CFAP74: variants seen among roughly 807,000 people sequenced by gnomAD.
CFAP74 encodes the protein cilia- and flagella-associated protein 74.
In CFAP74, 124 loss-of-function variants were observed where a neutral mutation model predicts 188.9. The observed-to-expected ratio is 0.66, with a 90% CI of 0.57 to 0.76. The LOEUF is 0.76. Ranked by LOEUF, CFAP74 falls within the 30% of genes least tolerant of loss-of-function variation. The pLI, the probability that CFAP74 is intolerant of heterozygous loss-of-function variation, is 0.00. For synonymous variants in CFAP74, 956 were observed against 916.7 expected (o/e 1.04, Z -0.77); for missense variants, 2,198 against 2,165.2 (o/e 1.02, Z -0.30).
chr1:1,953,580 A>C (rs1654337187), intron 18 of CFAP74: 1 of 153,690 alleles, frequency 6.5e-6, no homozygotes. Context: ...TACAGGCATG[A>C]GCCACTGTGC....
rs3039777 is a variant in CFAP74 at position 1,922,176 on chromosome 1, T to TCTGA, written c.*110_*111insTCAG. 1 allele frequency: 768,448 copies of TCTGA among 768,800 alleles called. 384,049 individuals carry two copies. Among genetic ancestry groups the TCTGA allele is most frequent in the Middle Eastern group, 1 (2,858 of 2,858 alleles). 47.6% of individuals were successfully genotyped at this position (768,800 alleles called of 1,614,324 possible). ...CCATGTGGAGGGCGGCCTATTGGAATCTGGCAGAGGATGGCCAGGTCCCAG... is the reference window on the plus strand; with the variant it reads ...CCATGTGGAGGGCGGCCTATTGGAATCTGACTGGCAGAGGATGGCCAGGTCCCAG... On this transcript the variant is annotated 3_prime_UTR_variant, in exon 39 of 39. Transcript: ENST00000682832.
intron 25 of CFAP74, among the ~76,000 whole-genome samples, chr1:1,931,432 T>TAAAAAA (rs34892654): frequency 2.7e-5 from 2 of 75,364 alleles, no homozygotes; most frequent in African/African-American, 1.2e-4. Context: ...CCCATCTCAA[T>TAAAAAA]AAAAAAAAAA....
intron 6 of CFAP74, among the ~76,000 whole-genome samples, chr1:1,981,468 AGCCGCGGTC>A (rs1656845147): frequency 6.8e-6 from 1 of 146,106 alleles, no homozygotes; most frequent in African/African-American, 2.6e-5. Context: ...CAGGACACCC[AGCCGCGGTC>A]ACACGCGGGG....
At chr1:1,932,087 C>CAAAAAA (rs370006166) in intron 25 of CFAP74, among the ~76,000 whole-genome samples, 6 of 53,684 alleles carry the variant, frequency 1.1e-4, no homozygotes, top group East Asian at 6.0e-4. Flanking sequence ...AAACAAAAAA[C>CAAAAAA]AAAAAACAAA....
chr1:1,942,030 C>CG lies in CFAP74; in HGVS notation c.2612dup (p.Arg872AlafsTer13). 2 of 1,499,162 alleles carry CG rather than the reference C, an allele frequency of 1.3e-6. No individual in the cohort carries two copies. The highest frequency in any genetic ancestry group is 1.8e-6 in the Non-Finnish European group (2 of 1,130,154). The allele number at this position is 1,499,162 out of a possible 1,614,324, so 92.9% of individuals were successfully genotyped here. ...GGCCTTGGCGTCCTGGCACCTACCG[C>CG]GGCAGGAACTTGAGCTGCACGGAGT... On this transcript the variant is annotated frameshift_variant, in exon 22 of 39. Transcript: ENST00000682832. LOFTEE classifies it high-confidence loss of function. The surrounding 1 kb of genome is among the most constrained non-coding windows in gnomAD (Gnocchi z 4.3).
chr1:1,969,144 A>G (rs918923631), intron 10 of CFAP74, among the ~76,000 whole-genome samples: 6 of 147,268 alleles, frequency 4.1e-5, no homozygotes, highest in African/African-American at 1.0e-4. Context: ...TGCCCAGTCC[A>G]TCCCTGCCAA....
chr1:1,991,894 G>C (rs1435683012), intron 1 of CFAP74, among the ~76,000 whole-genome samples: 1 of 151,950 alleles, frequency 6.6e-6, no homozygotes, highest in South Asian at 2.1e-4. Flanking sequence ...GAAAAAATTA[G>C]CCGGGCATGG....
intron 8 of CFAP74, 61 bp downstream of exon 8, chr1:1,972,876 A>G (rs1412399043): frequency 9.3e-7 from 1 of 1,079,012 alleles, no homozygotes; most frequent in Non-Finnish European, 1.4e-6. Context: ...GCATTTCAAG[A>G]CAAAAGCAAG....
At chr1:1,925,189 T>C (rs116011561) in intron 33 of CFAP74, among the ~76,000 whole-genome samples, 2,250 of 122,990 alleles carry the variant, frequency 0.018, 64 homozygotes, top group African/African-American at 0.068. Flanking sequence ...GGCGAAGGCA[T>C]GAGGGCACAT....
At chr1:1,969,735 G>T (rs1655793394) in intron 10 of CFAP74, among the ~76,000 whole-genome samples, 1 of 152,074 alleles carries the variant, frequency 6.6e-6, no homozygotes, top group South Asian at 2.1e-4. Flanking sequence ...CTGATGGGTG[G>T]TGGAGAACTC....
intron 6 of CFAP74, among the ~76,000 whole-genome samples, chr1:1,977,702 C>A (rs72894797): frequency 0.013 from 1,932 of 152,296 alleles, 41 homozygotes; most frequent in African/African-American, 0.044. Flanking sequence ...CTCACCCACC[C>A]ACTGCAGGCG....
chr1:2,000,363 G>A (rs1448589237), intron 1 of CFAP74, among the ~76,000 whole-genome samples: 1 of 152,214 alleles, frequency 6.6e-6, no homozygotes, highest in Non-Finnish European at 1.5e-5. Context: ...GGGTTCGGAG[G>A]ACCAGGACAT....
Position 1,923,818 on chromosome 1 carries a change from C to T in CFAP74, c.4346G>A (p.Ser1449Asn). The T allele has an allele frequency of 6.2e-7, 1 of 1,613,488 alleles. No individual in the cohort carries two copies. Among genetic ancestry groups the T allele is most frequent in the Non-Finnish European group, 8.5e-7 (1 of 1,179,852 alleles). Residue 1449 changes from serine (S) to asparagine (N), a missense_variant, in exon 35 of 39, where the codon AGC becomes AAC. By Grantham distance (46) the Ser-to-Asn change is conservative. Coordinates refer to ENST00000682832, the MANE Select transcript of CFAP74 (RefSeq NM_001304360.2). The surrounding 1 kb of genome is among the most constrained non-coding windows in gnomAD (Gnocchi z 6.3). ...FTVTFSPDHE[S>N]LYFSDKLQVV... ...CTGGAGCTTGTCGGAGAAGTAGAGGCTTTCGTGGTCGGGGCTGAAGGTGAC... is the reference window on the plus strand; with the variant it reads ...CTGGAGCTTGTCGGAGAAGTAGAGGTTTTCGTGGTCGGGGCTGAAGGTGAC...
chr1:1,925,954 C>A lies in CFAP74; in HGVS notation c.3949-16G>T. 1 of 1,583,576 alleles carries A rather than the reference C, an allele frequency of 6.3e-7. No individual in the cohort carries two copies. The highest frequency in any genetic ancestry group is 8.6e-7 in the Non-Finnish European group (1 of 1,164,916). On this transcript the variant is annotated splice_polypyrimidine_tract_variant and intron_variant, in intron 32 of 38. Coordinates refer to ENST00000682832, the MANE Select transcript of CFAP74 (RefSeq NM_001304360.2). ...TTTCTTGAGCCTAAAGAGACCACAT[C>A]GCTCAGCCAGGAACCGATGTCTGCT...
intron 6 of CFAP74, among the ~76,000 whole-genome samples, chr1:1,977,396 T>G (rs950975383): frequency 2.0e-5 from 3 of 152,144 alleles, no homozygotes; most frequent in Admixed American, 6.5e-5. Context: ...GGAAGCAGCC[T>G]TCCCCTCCCT....
chr1:1,963,406 G>A (rs9697615), intron 14 of CFAP74, among the ~76,000 whole-genome samples: 30,866 of 137,018 alleles, frequency 0.23, 3,494 homozygotes, highest in Non-Finnish European at 0.25. Context: ...AGCTGAGACC[G>A]CGCCATCGCA....
intron 18 of CFAP74, among the ~76,000 whole-genome samples, chr1:1,951,919 CA>C (rs1182775923): frequency 6.6e-6 from 1 of 152,128 alleles, no homozygotes. Context: ...CAGAGAATAC[CA>C]TTCAGGCTGA....
intron 25 of CFAP74, 117 bp downstream of exon 25, chr1:1,938,738 C>T: frequency 8.0e-7 from 1 of 1,243,952 alleles, no homozygotes; most frequent in Non-Finnish European, 1.1e-6. Context: ...CCAGCCCAGC[C>T]CTGTGGTCAG....
intron 18 of CFAP74, chr1:1,955,154 AAGAC>A (rs759169506): frequency 3.9e-5 from 49 of 1,271,244 alleles, no homozygotes; most frequent in South Asian, 7.5e-5. Flanking sequence ...GCACCACGCG[AAGAC>A]AGACAGGAGG....
Sources: allele counts gnomAD v4.1 joint callset (sites outside exome capture counted in the v4.1 genomes callset), GRCh38; gene constraint gnomAD v4.1.1; non-coding constraint Gnocchi (gnomAD v3.1); transcripts MANE v1.5; gene names NCBI Gene and HGNC (gene_info 2026-07-23, HGNC 2026-07-21).